The following PTPRD variants were observed in gnomAD, a reference collection of about 807,000 sequenced individuals.
PTPRD encodes the protein receptor-type tyrosine-protein phosphatase delta.
In PTPRD, 34 loss-of-function variants were observed where a neutral mutation model predicts 214.5. The ratio of observed to expected loss-of-function variants is 0.16; its 90% CI spans 0.12 to 0.21. PTPRD has a LOEUF of 0.21. Among genes scored for constraint, PTPRD ranks in the 10% least tolerant of loss-of-function variants. The pLI is 1.00. For missense variants in PTPRD, 2,545 were observed against 2,398.7 expected (o/e 1.06, Z -1.27); for synonymous variants, 1,128 against 845.7 (o/e 1.33, Z -5.79).
intron 5 of PTPRD, among the ~76,000 whole-genome samples, chr9:9,913,920 G>T (rs554047368): frequency 6.6e-6 from 1 of 152,200 alleles, no homozygotes; most frequent in African/African-American, 2.4e-5. Context: ...ATTGTTCTGG[G>T]GGCCAACACA....
intron 12 of PTPRD, among the ~76,000 whole-genome samples, chr9:8,672,146 A>T (rs926216481): frequency 6.6e-6 from 1 of 152,196 alleles, no homozygotes; most frequent in African/African-American, 2.4e-5. Context: ...TTTGAAGTCA[A>T]TCTAACACTA....
intron 35 of PTPRD, among the ~76,000 whole-genome samples, chr9:8,420,945 G>A (rs1221568939): frequency 2.0e-5 from 3 of 152,012 alleles, no homozygotes; most frequent in Non-Finnish European, 4.4e-5. Context: ...CTGTCAGGGA[G>A]CTTGATGTCC....
At chr9:9,998,146 A>AT (rs1566998658) in intron 4 of PTPRD, among the ~76,000 whole-genome samples, 10 of 137,762 alleles carry the variant, frequency 7.3e-5, no homozygotes, top group Non-Finnish European at 1.5e-4. Context: ...ATATATATAT[A>AT]AAAGAAGAAG....
chr9:9,474,879 A>G lies in PTPRD; in HGVS notation c.-236-77397T>C, dbSNP rs2094908689. On this transcript the variant is annotated intron_variant, in intron 8 of 45. Transcript: ENST00000381196. Reference sequence around the variant, plus strand: ...ATATGTAAGATTATGTGGTTTGCAAAGAGAGGCAATTGGATTCCTTTTTTC... The same window carrying G: ...ATATGTAAGATTATGTGGTTTGCAAGGAGAGGCAATTGGATTCCTTTTTTC... 2.0e-5 allele frequency among the ~76,000 whole-genome samples: 3 copies of G among 152,130 alleles called. No homozygotes were observed. The South Asian group carries it at 6.2e-4, about 31-fold the overall frequency.
At chr9:8,560,458 CACACACACACACACATAT>C (rs1211711935) in intron 14 of PTPRD, among the ~76,000 whole-genome samples, 1 of 138,384 alleles carries the variant, frequency 7.2e-6, no homozygotes, top group Admixed American at 7.0e-5. Context: ...CACACACACA[CACACACACACACACATAT>C]ATACACTGTT....
chr9:9,655,575 A>AAAACC (rs61637963), intron 7 of PTPRD, among the ~76,000 whole-genome samples: 21,569 of 121,270 alleles, frequency 0.18, 2,056 homozygotes, highest in African/African-American at 0.36. Flanking sequence ...TCTCAAAGGG[A>AAAACC]AAACCAAACC....
At chr9:10,449,274 C>T (rs1021582052) in intron 2 of PTPRD, among the ~76,000 whole-genome samples, 2 of 151,984 alleles carry the variant, frequency 1.3e-5, no homozygotes, top group African/African-American at 2.4e-5. Flanking sequence ...CTCCTGACGG[C>T]GAGTGATCTG....
At chr9:9,933,171 A>G (rs1350275311) in intron 5 of PTPRD, among the ~76,000 whole-genome samples, 1 of 152,270 alleles carries the variant, frequency 6.6e-6, no homozygotes, top group African/African-American at 2.4e-5. Context: ...TGCATCAACT[A>G]ACGTGCAAAA....
intron 5 of PTPRD, among the ~76,000 whole-genome samples, chr9:9,812,597 CA>C (rs1285389023): frequency 2.7e-4 from 41 of 151,434 alleles, no homozygotes; most frequent in African/African-American, 9.9e-4. Context: ...ATAAAGGAAT[CA>C]ATTCATCAAA....
intron 9 of PTPRD, among the ~76,000 whole-genome samples, chr9:9,190,439 C>T (rs888558659): frequency 3.3e-5 from 5 of 152,036 alleles, no homozygotes; most frequent in East Asian, 1.9e-4. Context: ...TTGCTTCTTC[C>T]GCATTTTCTC....
rs1240718838 is a variant in PTPRD, at chr9:9,218,817, G to A, written c.-202-35454C>T. Among the ~76,000 whole-genome samples the A allele has an allele frequency of 4.6e-5, 7 of 152,184 alleles. No individual in the cohort carries two copies. In the East Asian group the frequency reaches 1.2e-3, roughly 25 times the overall value. On this transcript the variant is annotated intron_variant, in intron 9 of 45. Transcript: ENST00000381196. ...ATGCCCGGCCCTCACAGCTGACGAG[G>A]TAAAAAACACTACCAGACAATCACA...
chr9:10,436,267 T>C (rs2098716662), intron 2 of PTPRD, among the ~76,000 whole-genome samples: 1 of 152,036 alleles, frequency 6.6e-6, no homozygotes, highest in Middle Eastern at 3.4e-3. Flanking sequence ...TATATGTATA[T>C]GTATACACAC....
chr9:9,943,604 G>A (rs1200026691), intron 4 of PTPRD, among the ~76,000 whole-genome samples: 3 of 151,856 alleles, frequency 2.0e-5, no homozygotes, highest in Non-Finnish European at 4.4e-5. Flanking sequence ...GATATTAGAA[G>A]CTGTGGGTTT....
intron 7 of PTPRD, among the ~76,000 whole-genome samples, chr9:9,618,483 T>C (rs746786721): frequency 8.5e-5 from 13 of 152,272 alleles, no homozygotes; most frequent in Admixed American, 3.3e-4. Context: ...ACATGAGCTA[T>C]GGCAGTGACA....
chr9:9,371,418 C>T (rs1031053144), intron 9 of PTPRD, among the ~76,000 whole-genome samples: 10 of 152,136 alleles, frequency 6.6e-5, no homozygotes, highest in African/African-American at 2.2e-4. Context: ...TTATAGTATT[C>T]TCTGATGGTA....
intron 43 of PTPRD, 140 bp from the exon 44 acceptor site, chr9:8,331,876 A>C: frequency 1.0e-6 from 1 of 983,944 alleles, no homozygotes; most frequent in Admixed American, 3.4e-5. Flanking sequence ...TTAAATAGAA[A>C]CTTAGTTATG....
At chr9:9,948,469 G>C (rs2093063799) in intron 4 of PTPRD, among the ~76,000 whole-genome samples, 1 of 151,994 alleles carries the variant, frequency 6.6e-6, no homozygotes, top group South Asian at 2.1e-4. Context: ...ATAAATGGCA[G>C]GTGATGAACA....
chr9:9,584,731 C>T (rs977398956), intron 7 of PTPRD, among the ~76,000 whole-genome samples: 2 of 151,896 alleles, frequency 1.3e-5, no homozygotes, highest in Non-Finnish European at 2.9e-5. Flanking sequence ...TTACCATGCA[C>T]CCTTTATGCT....
chr9:8,827,017 A>G (rs908406178), intron 11 of PTPRD, among the ~76,000 whole-genome samples: 2 of 151,888 alleles, frequency 1.3e-5, no homozygotes, highest in South Asian at 2.1e-4. Flanking sequence ...GTCAAACTCT[A>G]GTGTCTTTCT....
Sources: gnomAD v4.1 joint callset for allele counts (sites outside exome capture counted in the v4.1 genomes callset) on GRCh38, gnomAD v4.1.1 for gene constraint, MANE v1.5 for transcripts, NCBI Gene and HGNC (gene_info 2026-07-23, HGNC 2026-07-21) for gene names.